The following CEACAM8 variants were observed in gnomAD, a reference collection of about 807,000 sequenced individuals.
CEACAM8 encodes the protein CEA cell adhesion molecule 8.
In CEACAM8, 31 loss-of-function variants were observed where a neutral mutation model predicts 33.4. That is an observed-to-expected ratio of 0.93 (90% CI 0.70 to 1.25). CEACAM8 has a LOEUF of 1.25. Among genes scored for constraint, CEACAM8 ranks in the 50% most tolerant of loss-of-function variants. CEACAM8 has a pLI of 0.00. For missense variants in CEACAM8, 388 were observed against 434.6 expected (o/e 0.89, Z 0.95); for synonymous variants, 138 against 164.5 (o/e 0.84, Z 1.23).
intron 4 of CEACAM8, 26 bp downstream of exon 4, chr19:42,588,758 T>G (rs1485152720): frequency 6.2e-7 from 1 of 1,612,208 alleles, no homozygotes; most frequent in Non-Finnish European, 8.5e-7. Flanking sequence ...GAAAACATAC[T>G]GCCAGTGCTC....
chr19:42,587,076 CCACA>C (rs1417839988), intron 4 of CEACAM8, among the ~76,000 whole-genome samples: 1 of 151,802 alleles, frequency 6.6e-6, no homozygotes, highest in Non-Finnish European at 1.5e-5. Flanking sequence ...TAAAAAAAAA[CCACA>C]CACACACAAA....
intron 5 of CEACAM8, 75 bp downstream of exon 5, chr19:42,583,131 C>A (rs545590171): frequency 1.4e-6 from 1 of 700,344 alleles, no homozygotes; most frequent in Non-Finnish European, 2.5e-6. Context: ...AGATCCATTC[C>A]CGGGATACAG....
intron 2 of CEACAM8, 120 bp downstream of exon 2, chr19:42,593,421 C>T (rs2042482679): frequency 7.5e-7 from 1 of 1,339,516 alleles, no homozygotes; most frequent in Non-Finnish European, 1.0e-6. Flanking sequence ...CACTAAATGT[C>T]CAAACCCTAA....
intron 2 of CEACAM8, among the ~76,000 whole-genome samples, chr19:42,590,546 G>C (rs1245554642): frequency 6.6e-6 from 1 of 152,208 alleles, no homozygotes; most frequent in Non-Finnish European, 1.5e-5. Context: ...GGGTGGGGAG[G>C]GGGAGCCTGA....
chr19:42,583,404 A>C (rs774306862), intron 4 of CEACAM8, 67 bp from the exon 5 acceptor site: 16 of 1,012,984 alleles, frequency 1.6e-5, no homozygotes, highest in Non-Finnish European at 2.3e-5. Flanking sequence ...TACCCCAGGA[A>C]CCAGCTCCTA....
Position 42,589,525 on chromosome 19 carries a change from G to C in CEACAM8, c.635C>G (p.Pro212Arg), listed in dbSNP as rs150799529. Reference sequence around the variant, plus strand: ...TGGGTTCTGTATTTCACATTCATAGGGTCCTACGTCATTCCTTGTGACACT... The same window carrying C: ...TGGGTTCTGTATTTCACATTCATAGCGTCCTACGTCATTCCTTGTGACACT... The part of the protein sequence containing the change: ...LLSVTRNDVG[P>R]YECEIQNPAS... Residue 212 changes from proline (P) to arginine (R), a missense_variant, in exon 3 of 6, where the codon CCC becomes CGC. Physicochemically the swap from Pro to Arg is moderately radical, Grantham distance 103. Coordinates refer to ENST00000244336, the MANE Select transcript of CEACAM8 (RefSeq NM_001816.4). The C allele has an allele frequency of 7.4e-5, 120 of 1,614,066 alleles. No homozygotes were observed. Among genetic ancestry groups the C allele is most frequent in the Non-Finnish European group, 9.9e-5 (117 of 1,180,048 alleles).
chr19:42,592,705 A>G (rs185485582), intron 2 of CEACAM8, among the ~76,000 whole-genome samples: 1 of 152,230 alleles, frequency 6.6e-6, no homozygotes, highest in African/African-American at 2.4e-5. Flanking sequence ...TAAATTATCC[A>G]TAGTCACCTG....
At chr19:42,582,754 G>T (rs1448264634) in intron 5 of CEACAM8, among the ~76,000 whole-genome samples, 1 of 152,186 alleles carries the variant, frequency 6.6e-6, no homozygotes. Context: ...GTAAAGAGAA[G>T]AAATGTGAAC....
rs568882268 is a variant in CEACAM8, at chr19:42,586,613, G to A, written c.958+2171C>T. 4.6e-5 allele frequency among the ~76,000 whole-genome samples: 7 copies of A among 152,156 alleles called. No individual in the cohort carries two copies. In the South Asian group the frequency reaches 1.5e-3, roughly 32 times the overall value. On this transcript the variant is annotated intron_variant, in intron 4 of 5. Transcript: ENST00000244336. ...AGTAGATCAAAGACCAAATGTAAGA[G>A]TAAAAACTATAAAACTCTCAGAAGA...
At chr19:42,589,378 G>A (rs1226272073) in intron 3 of CEACAM8, 79 bp downstream of exon 3, 3 of 1,600,978 alleles carry the variant, frequency 1.9e-6, no homozygotes, top group Non-Finnish European at 2.6e-6. Flanking sequence ...TTGGAGCTGA[G>A]AGGGACTGAG....
chr19:42,588,628 T>C (rs978721796), intron 4 of CEACAM8, among the ~76,000 whole-genome samples, 156 bp downstream of exon 4: 1 of 152,134 alleles, frequency 6.6e-6, no homozygotes, highest in African/African-American at 2.4e-5. Flanking sequence ...GAAGAGAGTC[T>C]ATAGAGATAA....
intron 2 of CEACAM8, among the ~76,000 whole-genome samples, chr19:42,593,067 C>T (rs528036500): frequency 7.9e-4 from 121 of 152,330 alleles, no homozygotes; most frequent in African/African-American, 2.9e-3. Flanking sequence ...TCCTAGTTGG[C>T]CCTGCCCAGG....
chr19:42,589,110 C>T, intron 3 of CEACAM8, 72 bp from the exon 4 acceptor site: 1 of 1,536,800 alleles, frequency 6.5e-7, no homozygotes, highest in Non-Finnish European at 8.8e-7. Flanking sequence ...GTGGAAGAGC[C>T]ACAGTGTCCC....
intron 4 of CEACAM8, among the ~76,000 whole-genome samples, chr19:42,588,250 T>C (rs2042369848): frequency 6.6e-6 from 1 of 152,072 alleles, no homozygotes; most frequent in South Asian, 2.1e-4. Flanking sequence ...TACACCTGGG[T>C]CCCACCCCAG....
chr19:42,587,876 T>C (rs1036398294), intron 4 of CEACAM8, among the ~76,000 whole-genome samples: 4 of 152,194 alleles, frequency 2.6e-5, no homozygotes. Flanking sequence ...TGTTGGCACA[T>C]GCCTGTAATC....
chr19:42,585,587 A>G (rs2042323413), intron 4 of CEACAM8, among the ~76,000 whole-genome samples: 1 of 152,230 alleles, frequency 6.6e-6, no homozygotes, highest in African/African-American at 2.4e-5. Context: ...GAATGGAAGG[A>G]AACTATCTCA....
In CEACAM8 at chr19:42,581,102, TAA is replaced by T. The variant is rs915740280; in HGVS notation, c.*290_*291del. On this transcript the variant is annotated 3_prime_UTR_variant, in exon 6 of 6. Coordinates refer to ENST00000244336, the MANE Select transcript of CEACAM8 (RefSeq NM_001816.4). ...CTCAAAAAAAAAAAAAAAAAAATCTTAAAAACATTATCCTCATTATTATTTAG... is the reference window on the plus strand; with the variant it reads ...CTCAAAAAAAAAAAAAAAAAAATCTTAAACATTATCCTCATTATTATTTAG... 4 of 151,760 alleles carry T rather than the reference TAA, an allele frequency of 2.6e-5. No individual in the cohort carries two copies. The highest frequency in any genetic ancestry group is 9.7e-5 in the African/African-American group (4 of 41,266). 9.4% of individuals were successfully genotyped at this position (151,760 alleles called of 1,614,324 possible). A position where few individuals can be genotyped will look rare whatever the true frequency, so the allele number is the denominator to read the frequency against.
Position 42,589,506 on chromosome 19 carries a change from C to G in CEACAM8, c.654G>C (p.Gln218His). 1 of 1,614,202 alleles carries G rather than the reference C, an allele frequency of 6.2e-7. No individual in the cohort carries two copies. The highest frequency in any genetic ancestry group is 8.5e-7 in the Non-Finnish European group (1 of 1,180,038). Residue 218 changes from glutamine to histidine, a missense_variant, in exon 3 of 6, where the codon CAG (glutamine) becomes CAC (histidine). Transcript: ENST00000244336. ...CACTGAAGTTTGCACTCGCTGGGTT[C>G]TGTATTTCACATTCATAGGGTCCTA... ...NDVGPYECEI[Q>H]NPASANFSDP...
chr19:42,589,627 C>A lies in CEACAM8; in HGVS notation c.533G>T (p.Trp178Leu), dbSNP rs779107289. ...EPETQNTTYLWWVNGQSLPVS... is the reference protein window; with the variant it reads ...EPETQNTTYLLWVNGQSLPVS... ...CGGGAGACTCTGACCATTTACCCAC[C>A]ACAGGTAGGTTGTGTTCTGAGTCTC... The change falls in exon 3 of 6, where the codon TGG becomes TTG. Residue 178 changes from tryptophan to leucine, a missense_variant. Transcript: ENST00000244336. The A allele has an allele frequency of 6.2e-6, 10 of 1,614,042 alleles. No homozygotes were observed. The Admixed American group carries it at 1.7e-4, about 27-fold the overall frequency.
Sources: allele counts gnomAD v4.1 joint callset (sites outside exome capture counted in the v4.1 genomes callset), GRCh38; gene constraint gnomAD v4.1.1; transcripts MANE v1.5; gene names NCBI Gene and HGNC (gene_info 2026-07-23, HGNC 2026-07-21).